TEX11: variants seen among roughly 807,000 people sequenced by gnomAD.
TEX11 encodes testis expressed 11.
A neutral mutation model predicts 84.4 loss-of-function variants in TEX11; 7 were observed. The ratio of observed to expected loss-of-function variants is 0.08; its 90% confidence interval spans 0.05 to 0.16. The LOEUF (loss-of-function observed/expected upper bound fraction) is 0.16. Among genes scored for constraint, TEX11 ranks in the 10% least tolerant of loss-of-function variants. The pLI is 1.00. For synonymous variants in TEX11, 264 were observed against 222.8 expected, an observed-to-expected ratio of 1.18 and a Z score of -1.64; for missense variants, 551 against 660.5, an observed-to-expected ratio of 0.83 and a Z score of 1.82.
chrX:70,853,938 C>T (rs1273325104), intron 5 of TEX11, among the ~76,000 whole-genome samples: 1 of 111,920 alleles, frequency 8.9e-6, no homozygotes, highest in Non-Finnish European at 1.9e-5. Context: ...ATTACTTTGG[C>T]TGGACAGAAA....
At chrX:70,631,205 G>T (rs1439624327) in intron 17 of TEX11, among the ~76,000 whole-genome samples, 1 of 111,516 alleles carries the variant, frequency 9.0e-6, no homozygotes, top group East Asian at 2.8e-4. Flanking sequence ...TTCCTCTCAA[G>T]TGCACATGAA....
rs755949533 is a variant in TEX11, at chrX:70,604,473, T to A, written c.2067+928A>T. Among the ~76,000 whole-genome samples, 172 of 111,194 alleles carry A rather than the reference T, an allele frequency of 1.5e-3. 1 individual carries two copies. The highest frequency in any genetic ancestry group is 5.5e-3 in the African/African-American group (169 of 30,638). On this transcript the variant is annotated intron_variant, in intron 24 of 29. Coordinates refer to ENST00000374333, the MANE Select transcript of TEX11 (RefSeq NM_031276.3). ...GGACTTTGGCTTCTTTATCTCTGTA[T>A]CCCCAGTACCTAGAAAAGTGTCTGG...
At chrX:70,710,417 C>T (rs2090417908) in intron 13 of TEX11, among the ~76,000 whole-genome samples, 1 of 111,023 alleles carries the variant, frequency 9.0e-6, no homozygotes, top group South Asian at 3.8e-4. Context: ...GTTCAGGACC[C>T]CTGGATCAAA....
intron 4 of TEX11, 45 bp from the exon 5 acceptor site, chrX:70,860,981 C>G: frequency 1.2e-6 from 1 of 868,951 alleles, no homozygotes; most frequent in Admixed American, 2.9e-5. Context: ...AACATTCATT[C>G]TCCTTTTATA....
chrX:70,882,090 A>G (rs374314320), intron 2 of TEX11, among the ~76,000 whole-genome samples: 2 of 109,087 alleles, frequency 1.8e-5, no homozygotes. Flanking sequence ...TCTTTTTCCC[A>G]TAAGTTGTTT....
At chrX:70,839,266 C>T (rs1018598292) in intron 7 of TEX11, among the ~76,000 whole-genome samples, 2 of 111,596 alleles carry the variant, frequency 1.8e-5, no homozygotes, top group African/African-American at 6.5e-5. Flanking sequence ...ACACCTCACA[C>T]GGCCGGGTAC....
chrX:70,897,679 A>AAAAGAAAGAAAGAAAGAAAG, intron 2 of TEX11: 1 of 75,734 alleles, frequency 1.3e-5, no homozygotes, highest in South Asian at 7.7e-4. Flanking sequence ...CAAAGAAAGA[A>AAAAGAAAGAAAGAAAGAAAG]AAAGAAAGAA....
In TEX11 at chrX:70,750,930, A is replaced by AT. The variant is rs1476194499; in HGVS notation, c.693-6712_693-6711insA. 8.9e-3 allele frequency among the ~76,000 whole-genome samples: 327 copies of AT among 36,751 alleles called. 1 individual carries two copies. Among genetic ancestry groups the AT allele is most frequent in the South Asian group, 0.015 (6 of 393 alleles). 31.9% of individuals were successfully genotyped at this position (36,751 alleles called of 115,157 possible). On this transcript the variant is annotated intron_variant, in intron 9 of 29. Transcript: ENST00000374333. ...AAAACTTAAAGTATAATAAAAAAAA[A>AT]AAAATATATATATATATATATATAT... is the stretch of plus-strand genomic sequence containing the variant.
chrX:70,876,056 G>C (rs1602203323), intron 3 of TEX11, among the ~76,000 whole-genome samples: 1 of 112,280 alleles, frequency 8.9e-6, no homozygotes, highest in Admixed American at 9.5e-5. Flanking sequence ...ATGTGATGAA[G>C]CGAATATGGT....
At chrX:70,729,897 G>T (rs1172283881) in intron 11 of TEX11, among the ~76,000 whole-genome samples, 22 of 111,898 alleles carry the variant, frequency 2.0e-4, no homozygotes, top group Admixed American at 3.8e-4. Flanking sequence ...AAATGTTACG[G>T]GCAGCCAGAC....
chrX:70,740,668 TTAAG>T, intron 11 of TEX11, 29 bp downstream of exon 11: 1 of 1,016,092 alleles, frequency 9.8e-7, no homozygotes, highest in Non-Finnish European at 1.3e-6. Flanking sequence ...AAAAAATACA[TTAAG>T]TTAGTATTCA....
At chrX:70,810,897 A>G (rs997711670) in intron 8 of TEX11, among the ~76,000 whole-genome samples, 4 of 111,889 alleles carry the variant, frequency 3.6e-5, no homozygotes, top group African/African-American at 1.3e-4. Context: ...TAATGGCTAC[A>G]TAAAGAGCCT....
At position 70,725,269 on chromosome X, in the gene TEX11, G is replaced by A. The variant is rs376817725; in HGVS notation, c.918C>T (p.Leu306=). The change falls in exon 12 of 30, where the codon CTC becomes CTT. Residue 306 remains leucine, a synonymous_variant. Coordinates refer to ENST00000374333, the MANE Select transcript of TEX11 (RefSeq NM_031276.3). ...LLKGETSNEE[L]LEAVMEILHL... ...CACATACAGAGATCATACCTTCAAGGAGTTCTTCATTAGATGTTTCGCCTT... is the reference window on the plus strand; with the variant it reads ...CACATACAGAGATCATACCTTCAAGAAGTTCTTCATTAGATGTTTCGCCTT... 1 of 1,189,554 alleles carries A rather than the reference G, an allele frequency of 8.4e-7. No individual in the cohort carries two copies. The highest frequency in any genetic ancestry group is 1.1e-6 in the Non-Finnish European group (1 of 879,448).
chrX:70,511,526 G>A, the TEX11 span, among the ~76,000 whole-genome samples: 14 of 108,857 alleles, frequency 1.3e-4, no homozygotes, highest in Admixed American at 3.9e-4. Flanking sequence ...AGGCCAAGGC[G>A]GGTGGATCAC....
chrX:70,677,771 CACAATTGTAATGCTCACTT>C (rs1475693518), intron 15 of TEX11, among the ~76,000 whole-genome samples: 1 of 107,314 alleles, frequency 9.3e-6, no homozygotes, highest in Non-Finnish European at 1.9e-5. Flanking sequence ...CAGTAAGCTG[CACAATTGTAATGCTCACTT>C]TCTTTCTTTC....
chrX:70,730,392 T>A (rs1269803656), intron 11 of TEX11, among the ~76,000 whole-genome samples: 1 of 111,808 alleles, frequency 8.9e-6, no homozygotes, highest in Non-Finnish European at 1.9e-5. Context: ...ATCAGTGTGC[T>A]GTATTCAGGA....
chrX:70,875,335 A>C (rs1433634602), intron 3 of TEX11, among the ~76,000 whole-genome samples: 1 of 111,221 alleles, frequency 9.0e-6, no homozygotes, highest in Non-Finnish European at 1.9e-5. Flanking sequence ...ATCATTATTT[A>C]TAATAGTGAA....
intron 20 of TEX11, among the ~76,000 whole-genome samples, chrX:70,622,365 G>A (rs1021479514): frequency 8.9e-6 from 1 of 112,075 alleles, no homozygotes; most frequent in African/African-American, 3.2e-5. Flanking sequence ...ATTTTAAAAA[G>A]TGTTTGTAAT....
chrX:70,733,111 G>A (rs1236153116), intron 11 of TEX11, among the ~76,000 whole-genome samples: 4 of 112,018 alleles, frequency 3.6e-5, no homozygotes, highest in Non-Finnish European at 3.8e-5. Context: ...GTAGAAAGCT[G>A]AAACTGGATC....
Sources: gnomAD v4.1 joint callset for allele counts (sites outside exome capture counted in the v4.1 genomes callset) on GRCh38, gnomAD v4.1.1 for gene constraint, MANE v1.5 for transcripts, NCBI Gene and HGNC (gene_info 2026-07-23, HGNC 2026-07-21) for gene names.